LPP: variants seen among roughly 807,000 people sequenced by gnomAD.
LPP encodes LIM domain containing preferred translocation partner in lipoma, also known as lipoma-preferred partner.
A neutral mutation model predicts 60.4 loss-of-function variants in LPP; 38 were observed. The ratio of observed to expected loss-of-function variants is 0.63; its 90% CI spans 0.49 to 0.83. LPP has a LOEUF of 0.83. Among genes scored for constraint, LPP ranks in the 40% least tolerant of loss-of-function variants. LPP has a pLI of 0.00. For synonymous variants in LPP, 328 were observed against 290.8 expected, an observed-to-expected ratio of 1.13 and a Z score of -1.30; for missense variants, 902 against 783.6, an observed-to-expected ratio of 1.15 and a Z score of -1.80.
At chr3:188,662,380 A>G (rs1167103871) in intron 7 of LPP, among the ~76,000 whole-genome samples, 5 of 152,176 alleles carry the variant, frequency 3.3e-5, no homozygotes, top group African/African-American at 9.7e-5. Flanking sequence ...CATAGATACC[A>G]TGGACTTTGC....
At chr3:188,778,205 G>T (rs182481149) in intron 9 of LPP, among the ~76,000 whole-genome samples, 83 of 152,282 alleles carry the variant, frequency 5.5e-4, no homozygotes, top group African/African-American at 1.9e-3. Context: ...AAATAATGGA[G>T]AAATTTTTTT....
intron 3 of LPP, among the ~76,000 whole-genome samples, chr3:188,343,580 C>T (rs1763603778): frequency 6.6e-6 from 1 of 152,146 alleles, no homozygotes; most frequent in Non-Finnish European, 1.5e-5. Context: ...ATAGAATAAG[C>T]TTTGAAAAGT....
chr3:188,454,612 G>T, intron 4 of LPP, among the ~76,000 whole-genome samples: 1 of 152,276 alleles, frequency 6.6e-6, no homozygotes, highest in South Asian at 2.1e-4. Flanking sequence ...CTGGGAAGAA[G>T]AAGAGGGTTA....
chr3:188,420,485 T>C (rs1787497060), intron 4 of LPP, among the ~76,000 whole-genome samples: 2 of 152,218 alleles, frequency 1.3e-5, no homozygotes, highest in Non-Finnish European at 2.9e-5. Context: ...TTAGGGATTA[T>C]TAACTACACA....
intron 7 of LPP, among the ~76,000 whole-genome samples, chr3:188,694,627 G>A (rs542130221): frequency 7.2e-5 from 11 of 151,972 alleles, no homozygotes; most frequent in Admixed American, 1.3e-4. Context: ...ACTTGAACCC[G>A]GGAGTCAGAG....
At chr3:188,339,719 A>C (rs932149161) in intron 2 of LPP, among the ~76,000 whole-genome samples, 1 of 152,132 alleles carries the variant, frequency 6.6e-6, no homozygotes, top group Non-Finnish European at 1.5e-5. Context: ...CCCTTGACTC[A>C]TGGGGTTTAC....
At chr3:188,638,560 AGAG>A (rs1849339646) in intron 7 of LPP, among the ~76,000 whole-genome samples, 1 of 148,570 alleles carries the variant, frequency 6.7e-6, no homozygotes. Flanking sequence ...AATTAGGAAA[AGAG>A]GAAGTCAAAT....
chr3:188,776,033 A>G (rs746117517), intron 9 of LPP, among the ~76,000 whole-genome samples: 1 of 152,270 alleles, frequency 6.6e-6, no homozygotes, highest in African/African-American at 2.4e-5. Flanking sequence ...TTCTGTGTGC[A>G]AAAGACTGTG....
intron 5 of LPP, among the ~76,000 whole-genome samples, chr3:188,503,215 A>C (rs920004253): frequency 6.6e-6 from 1 of 152,124 alleles, no homozygotes; most frequent in Non-Finnish European, 1.5e-5. Context: ...ATTTGAAGTC[A>C]TACCAGCTTG....
intron 10 of LPP, among the ~76,000 whole-genome samples, chr3:188,867,318 A>G (rs964560506): frequency 1.4e-5 from 2 of 147,978 alleles, no homozygotes; most frequent in Admixed American, 1.4e-4. Context: ...TTATATATAA[A>G]TATATTTATT....
chr3:188,320,216 AC>A (rs1756524160), intron 2 of LPP, among the ~76,000 whole-genome samples: 1 of 152,178 alleles, frequency 6.6e-6, no homozygotes, highest in African/African-American at 2.4e-5. Flanking sequence ...GACTATACAC[AC>A]TCCAACACAT....
At chr3:188,425,518 A>C (rs950858387) in intron 4 of LPP, among the ~76,000 whole-genome samples, 2 of 152,138 alleles carry the variant, frequency 1.3e-5, no homozygotes, top group Non-Finnish European at 2.9e-5. Context: ...TTTCAGAAGG[A>C]ATGGTAGCAA....
intron 10 of LPP, among the ~76,000 whole-genome samples, chr3:188,872,290 TAG>T (rs1300610241): frequency 2.0e-5 from 3 of 152,048 alleles, no homozygotes; most frequent in Non-Finnish European, 4.4e-5. Flanking sequence ...CAGAAACAAA[TAG>T]GGGCTGGACA....
intron 4 of LPP, among the ~76,000 whole-genome samples, chr3:188,465,855 G>A (rs1027949495): frequency 5.9e-5 from 9 of 152,108 alleles, no homozygotes; most frequent in Non-Finnish European, 1.0e-4. Flanking sequence ...AAGTGTGGAA[G>A]TGTGTACACC....
chr3:188,468,593 T>C (rs1316463377), intron 4 of LPP, among the ~76,000 whole-genome samples: 1 of 152,126 alleles, frequency 6.6e-6, no homozygotes, highest in East Asian at 1.9e-4. Context: ...CAGTAAGACC[T>C]GAAGAAGGAA....
chr3:188,834,832 C>G (rs866102284), intron 9 of LPP, among the ~76,000 whole-genome samples: 1 of 152,204 alleles, frequency 6.6e-6, no homozygotes, highest in South Asian at 2.1e-4. Context: ...AGTGAAAATC[C>G]ATGTCAGCAG....
rs1276481545 is a variant in LPP at position 188,875,524 on chromosome 3, C to A, written c.*1045C>A. ...TTTGCCTGACAATTGCAAATCAGAG[C>A]ATACAAAATAAAACTGTGCAGTTTT... On this transcript the variant is annotated 3_prime_UTR_variant, in exon 12 of 12. Coordinates refer to ENST00000617246, the MANE Select transcript of LPP (RefSeq NM_001375462.1). The A allele has an allele frequency of 1.4e-5, 3 of 213,516 alleles. No individual in the cohort carries two copies. Among genetic ancestry groups the A allele is most frequent in the African/African-American group, 4.5e-5 (2 of 44,162 alleles). The allele number at this position is 213,516 out of a possible 1,614,324, so 13.2% of individuals were successfully genotyped here.
At chr3:188,523,630 T>C (rs1363864134) in intron 5 of LPP, among the ~76,000 whole-genome samples, 1 of 152,196 alleles carries the variant, frequency 6.6e-6, no homozygotes, top group Non-Finnish European at 1.5e-5. Context: ...AGTTTCTTGG[T>C]TGGTTAATGC....
intron 7 of LPP, among the ~76,000 whole-genome samples, chr3:188,680,949 G>C (rs1274758444): frequency 2.0e-5 from 3 of 151,384 alleles, no homozygotes; most frequent in Non-Finnish European, 4.4e-5. Flanking sequence ...TGAGAATGCA[G>C]CTCCAGCTGA....
Sources: allele counts gnomAD v4.1 joint callset (sites outside exome capture counted in the v4.1 genomes callset), GRCh38; gene constraint gnomAD v4.1.1; transcripts MANE v1.5; gene names NCBI Gene and HGNC (gene_info 2026-07-23, HGNC 2026-07-21).